Variants in GRIP1 observed in about 807,000 individuals in gnomAD.
GRIP1 encodes the protein glutamate receptor-interacting protein 1.
GRIP1 carries 45 observed loss-of-function variants against 129.9 expected under a neutral mutation model. The ratio of observed to expected loss-of-function variants is 0.35; its 90% CI spans 0.27 to 0.44. GRIP1 has a LOEUF of 0.44. GRIP1 is among the 20% of genes least tolerant of loss of function. The pLI is 1.00. For missense variants in GRIP1, 1,196 were observed against 1,396.8 expected, an observed-to-expected ratio of 0.86 and a Z score of 2.29; for synonymous variants, 530 against 520.8, an observed-to-expected ratio of 1.02 and a Z score of -0.24.
At chr12:66,876,043 G>C (rs566868352) in intron 1 of GRIP1, among the ~76,000 whole-genome samples, 1 of 151,928 alleles carries the variant, frequency 6.6e-6, no homozygotes, top group Non-Finnish European at 1.5e-5. Context: ...TCAGAGTGAA[G>C]AAAAGATTTC....
intron 1 of GRIP1, among the ~76,000 whole-genome samples, chr12:66,597,334 A>G (rs2064092723): frequency 1.3e-5 from 2 of 152,240 alleles, no homozygotes; most frequent in Admixed American, 1.3e-4. Context: ...AAGAATAATC[A>G]GGTAGAAAGA....
intron 23 of GRIP1, 152 bp from the exon 24 acceptor site, chr12:66,353,715 T>C: frequency 1.3e-6 from 1 of 746,448 alleles, no homozygotes; most frequent in Non-Finnish European, 2.4e-6. Flanking sequence ...CCTGCAGCCT[T>C]TTTTTCCCAC....
intron 1 of GRIP1, among the ~76,000 whole-genome samples, chr12:66,663,856 C>T (rs1353810296): frequency 2.0e-5 from 3 of 152,158 alleles, no homozygotes; most frequent in Admixed American, 1.3e-4. Flanking sequence ...AAACAACTTG[C>T]GTTTGAAAGC....
intron 1 of GRIP1, among the ~76,000 whole-genome samples, chr12:66,759,536 T>A (rs1566007222): frequency 6.6e-6 from 1 of 152,182 alleles, no homozygotes; most frequent in Non-Finnish European, 1.5e-5. Flanking sequence ...CTCAAAAAAA[T>A]CAGTTTGTCT....
At position 66,703,135 on chromosome 12, in the gene GRIP1, C is replaced by T. The variant is rs114317952; in HGVS notation, c.-419-72799G>A. ...GAGTAGAGCAGATGAGGGTTCTAGG[C>T]ATCAGCAAAGATATGGTGCCTTGAC... is the stretch of plus-strand genomic sequence containing the variant. On this transcript the variant is annotated intron_variant, in intron 1 of 4. Transcript: ENST00000538373. Among the ~76,000 whole-genome samples, 1,001 of 152,170 alleles carry T rather than the reference C, an allele frequency of 6.6e-3. 16 individuals carry two copies. Among genetic ancestry groups the T allele is most frequent in the African/African-American group, 0.023 (935 of 41,504 alleles).
At chr12:66,445,234 C>A in intron 12 of GRIP1, 88 bp downstream of exon 12, 4 of 1,028,614 alleles carry the variant, frequency 3.9e-6, no homozygotes, top group South Asian at 3.8e-5. Context: ...CTGCATTGAG[C>A]AATGTTTCAT....
intron 8 of GRIP1, 108 bp from the exon 9 acceptor site, chr12:66,463,201 AAAGAAAAG>A: frequency 1.0e-6 from 1 of 983,652 alleles, no homozygotes; most frequent in South Asian, 1.4e-5. Context: ...ACTTAAAATA[AAAGAAAAG>A]AAAAGTTTGA....
intron 20 of GRIP1, among the ~76,000 whole-genome samples, chr12:66,378,025 A>G (rs1277023980): frequency 2.0e-5 from 3 of 152,170 alleles, no homozygotes; most frequent in Non-Finnish European, 4.4e-5. Context: ...CAGTTTTTAT[A>G]AATTTCCTTA....
At chr12:66,725,374 CACTA>C in intron 1 of GRIP1, among the ~76,000 whole-genome samples, 1 of 152,096 alleles carries the variant, frequency 6.6e-6, no homozygotes, top group East Asian at 1.9e-4. Flanking sequence ...TAATGATAAA[CACTA>C]ACAAAATTTT....
intron 1 of GRIP1, among the ~76,000 whole-genome samples, chr12:66,630,018 A>G (rs1477118148): frequency 4.0e-5 from 6 of 151,122 alleles, no homozygotes; most frequent in Non-Finnish European, 8.8e-5. Context: ...TGCAGCTACA[A>G]TATCCAAGGC....
intron 1 of GRIP1, among the ~76,000 whole-genome samples, chr12:66,875,540 C>T (rs2040368813): frequency 6.6e-6 from 1 of 152,078 alleles, no homozygotes; most frequent in Non-Finnish European, 1.5e-5. Context: ...CCTGGTATCA[C>T]TGCTACTCAG....
At chr12:66,920,733 TG>T in intron 1 of GRIP1, among the ~76,000 whole-genome samples, 1 of 152,172 alleles carries the variant, frequency 6.6e-6, no homozygotes, top group Non-Finnish European at 1.5e-5. Context: ...TTTATCATCT[TG>T]GGGGAATCTC....
intron 23 of GRIP1, among the ~76,000 whole-genome samples, chr12:66,363,968 AT>A (rs2054966133): frequency 6.6e-6 from 1 of 152,136 alleles, no homozygotes; most frequent in Non-Finnish European, 1.5e-5. Flanking sequence ...AAAATTTTAA[AT>A]GTGGTGGGCA....
At chr12:66,913,647 T>G (rs1350438389) in intron 1 of GRIP1, among the ~76,000 whole-genome samples, 2 of 152,202 alleles carry the variant, frequency 1.3e-5, no homozygotes, top group African/African-American at 2.4e-5. Context: ...TATATTAAGC[T>G]GCTCTTTAAA....
At chr12:66,622,929 T>C (rs2065339204) in intron 1 of GRIP1, among the ~76,000 whole-genome samples, 1 of 152,194 alleles carries the variant, frequency 6.6e-6, no homozygotes, top group Non-Finnish European at 1.5e-5. Flanking sequence ...ATATGTTGTT[T>C]ACTACAAGAT....
At chr12:66,723,218 CTTTCTTTCTCTCTCTCTCTCT>C (rs1565987635) in intron 1 of GRIP1, among the ~76,000 whole-genome samples, 65 of 49,494 alleles carry the variant, frequency 1.3e-3, no homozygotes, top group African/African-American at 6.5e-3. Flanking sequence ...TTCTTTCTTT[CTTTCTTTCTCTCTCTCTCTCT>C]CTTCCTTCCT....
chr12:66,824,740 C>T (rs1313922281), intron 1 of GRIP1, among the ~76,000 whole-genome samples: 9 of 151,950 alleles, frequency 5.9e-5, no homozygotes, highest in African/African-American at 2.2e-4. Flanking sequence ...TAGTTCAGAG[C>T]AGAAATAAGA....
At chr12:66,978,996 G>A (rs768362058) in intron 1 of GRIP1, among the ~76,000 whole-genome samples, 3 of 151,880 alleles carry the variant, frequency 2.0e-5, no homozygotes, top group Admixed American at 1.3e-4. Flanking sequence ...GCCTCCAGCA[G>A]CATGCCTCAG....
intron 1 of GRIP1, among the ~76,000 whole-genome samples, chr12:66,841,832 G>A (rs1372321384): frequency 6.6e-6 from 1 of 152,098 alleles, no homozygotes; most frequent in Non-Finnish European, 1.5e-5. Context: ...CCTAGCACAA[G>A]GCTTATATTT....
Sources: gnomAD v4.1 joint callset for allele counts (sites outside exome capture counted in the v4.1 genomes callset) on GRCh38, gnomAD v4.1.1 for gene constraint, MANE v1.5 for transcripts, NCBI Gene and HGNC (gene_info 2026-07-23, HGNC 2026-07-21) for gene names.